SLC25A21: variants seen among roughly 807,000 people sequenced by gnomAD.
The protein encoded by SLC25A21 is mitochondrial 2-oxodicarboxylate carrier.
In SLC25A21, 47 loss-of-function variants were observed where a neutral mutation model predicts 43.8. The observed-to-expected ratio is 1.07, with a 90% confidence interval of 0.85 to 1.37. SLC25A21 has a LOEUF of 1.37. Ranked by LOEUF, SLC25A21 falls within the 40% of genes most tolerant of loss-of-function variation. SLC25A21 has a pLI of 0.00. For synonymous variants in SLC25A21, 131 were observed against 121.3 expected (o/e 1.08, Z -0.52); for missense variants, 352 against 350.2 (o/e 1.00, Z -0.04).
chr14:37,116,375 C>T (rs1041015869), intron 1 of SLC25A21, among the ~76,000 whole-genome samples: 6 of 152,160 alleles, frequency 3.9e-5, no homozygotes, highest in Non-Finnish European at 8.8e-5. Flanking sequence ...CATCTTACAA[C>T]ACTTAAGATA....
intron 2 of SLC25A21, among the ~76,000 whole-genome samples, chr14:36,845,659 T>C (rs1889519314): frequency 6.6e-6 from 1 of 152,250 alleles, no homozygotes; most frequent in Non-Finnish European, 1.5e-5. Flanking sequence ...ATCCAATTGA[T>C]GGACAAACTA....
chr14:37,130,804 G>A (rs769109859), intron 1 of SLC25A21, among the ~76,000 whole-genome samples: 27 of 152,296 alleles, frequency 1.8e-4, no homozygotes, highest in Non-Finnish European at 3.1e-4. Flanking sequence ...TTGATTAGAT[G>A]AGGCAAAAAT....
At chr14:36,893,641 T>A (rs1026097799) in intron 1 of SLC25A21, among the ~76,000 whole-genome samples, 2 of 152,256 alleles carry the variant, frequency 1.3e-5, no homozygotes, top group Non-Finnish European at 2.9e-5. Context: ...TGAATGGTAA[T>A]GCCTAGATTT....
chr14:36,936,120 G>A (rs578045268), intron 1 of SLC25A21, among the ~76,000 whole-genome samples: 117 of 152,194 alleles, frequency 7.7e-4, no homozygotes, highest in Non-Finnish European at 1.2e-3. Context: ...CACCGTGAAG[G>A]GAAATCAACC....
At chr14:36,748,286 T>C (rs1203868072) in intron 3 of SLC25A21, among the ~76,000 whole-genome samples, 1 of 152,212 alleles carries the variant, frequency 6.6e-6, no homozygotes, top group East Asian at 1.9e-4. Flanking sequence ...TCGGGCTCTG[T>C]TTGGTTTCTG....
chr14:37,168,076 C>G (rs191428932), intron 1 of SLC25A21, among the ~76,000 whole-genome samples: 1 of 152,056 alleles, frequency 6.6e-6, no homozygotes, highest in African/African-American at 2.4e-5. Context: ...GTAGGTGAGG[C>G]CTGGGATCCC....
At chr14:36,776,735 C>G (rs1886849221) in intron 3 of SLC25A21, among the ~76,000 whole-genome samples, 1 of 152,120 alleles carries the variant, frequency 6.6e-6, no homozygotes, top group African/African-American at 2.4e-5. Flanking sequence ...CTTAAGTTCC[C>G]TCTTTACTCT....
chr14:36,874,806 T>C, intron 2 of SLC25A21, 150 bp downstream of exon 2: 1 of 520,396 alleles, frequency 1.9e-6, no homozygotes. Context: ...ACATTTTATC[T>C]GTCAAATAGT....
chr14:37,060,402 AATAATAATAATAATAATAATAATG>A (rs1247351147), intron 1 of SLC25A21, among the ~76,000 whole-genome samples: 1 of 147,088 alleles, frequency 6.8e-6, no homozygotes, highest in Non-Finnish European at 1.5e-5. Context: ...TAATAATAAT[AATAATAATAATAATAATAATAATG>A]ATGTAACCCA....
chr14:36,989,178 C>A (rs964466510), intron 1 of SLC25A21, among the ~76,000 whole-genome samples: 2 of 152,138 alleles, frequency 1.3e-5, no homozygotes, highest in African/African-American at 4.8e-5. Flanking sequence ...AGGAAGTGAG[C>A]ACTCCTGGCT....
chr14:37,059,231 C>T (rs1276000092), intron 1 of SLC25A21, among the ~76,000 whole-genome samples: 1 of 152,152 alleles, frequency 6.6e-6, no homozygotes, highest in Non-Finnish European at 1.5e-5. Flanking sequence ...ACTTTTATCC[C>T]TTACACCCAT....
intron 1 of SLC25A21, among the ~76,000 whole-genome samples, chr14:36,967,524 C>A (rs1959644839): frequency 6.6e-6 from 1 of 152,148 alleles, no homozygotes; most frequent in Non-Finnish European, 1.5e-5. Context: ...AAACTTTTCC[C>A]CACACCCAAA....
chr14:36,758,876 T>TCA (rs1886035555), intron 3 of SLC25A21, among the ~76,000 whole-genome samples: 1 of 152,162 alleles, frequency 6.6e-6, no homozygotes, highest in Non-Finnish European at 1.5e-5. Context: ...CAATCAAGTG[T>TCA]GAGTTACATT....
chr14:36,678,987 A>G lies in SLC25A21; in HGVS notation c.*1671T>C. 3 of 977,748 alleles carry G rather than the reference A, an allele frequency of 3.1e-6. No individual in the cohort carries two copies. Among genetic ancestry groups the G allele is most frequent in the Non-Finnish European group, 3.6e-6 (3 of 827,360 alleles). 60.6% of individuals were successfully genotyped at this position (977,748 alleles called of 1,614,324 possible). On this transcript the variant is annotated 3_prime_UTR_variant, in exon 10 of 10. Transcript: ENST00000331299. Reference sequence around the variant, plus strand: ...TGGTTAATGTTGACATATTTCCTCTATCTCATAGATGGTAAAAGTGTTGCT... The same window carrying G: ...TGGTTAATGTTGACATATTTCCTCTGTCTCATAGATGGTAAAAGTGTTGCT...
At chr14:37,088,537 T>C (rs1361613627) in intron 1 of SLC25A21, among the ~76,000 whole-genome samples, 5 of 152,216 alleles carry the variant, frequency 3.3e-5, no homozygotes, top group African/African-American at 7.2e-5. Flanking sequence ...TAAAAATCGA[T>C]TGTTCAAAAA....
At chr14:37,017,799 G>A (rs1960895318) in intron 1 of SLC25A21, among the ~76,000 whole-genome samples, 1 of 151,740 alleles carries the variant, frequency 6.6e-6, no homozygotes, top group Non-Finnish European at 1.5e-5. Flanking sequence ...GATTTTCAAC[G>A]ACATGCATCA....
intron 1 of SLC25A21, among the ~76,000 whole-genome samples, chr14:37,037,531 TTC>T (rs1961353980): frequency 6.6e-6 from 1 of 152,050 alleles, no homozygotes; most frequent in Non-Finnish European, 1.5e-5. Context: ...TCCTCCTGTT[TTC>T]TCTCTCTCTT....
Position 36,680,682 on chromosome 14 carries a change from A to C in SLC25A21, c.876T>G (p.Tyr292Ter). 2 of 1,613,362 alleles carry C rather than the reference A, an allele frequency of 1.2e-6. No individual in the cohort carries two copies. Among genetic ancestry groups the C allele is most frequent in the Non-Finnish European group, 1.7e-6 (2 of 1,179,634 alleles). ...ATCACCAGTTCTCTTGAAGCCATGA[A>C]TAGGTGTATTCATAAACCAGCAGCA... ...AVMLLVYEYT[Y>*]SWLQENW The change falls in exon 10 of 10, where the codon TAT becomes TAG. Residue 292 changes from tyrosine to a stop codon, truncating the protein, a stop_gained. Transcript: ENST00000331299. LOFTEE classifies it high-confidence loss of function.
chr14:37,041,240 C>G (rs1340862830), intron 1 of SLC25A21, among the ~76,000 whole-genome samples: 1 of 152,092 alleles, frequency 6.6e-6, no homozygotes, highest in Non-Finnish European at 1.5e-5. Context: ...TTTCAGTAAC[C>G]AAGTGCCTCT....
Sources: gnomAD v4.1 joint callset for allele counts (sites outside exome capture counted in the v4.1 genomes callset) on GRCh38, gnomAD v4.1.1 for gene constraint, MANE v1.5 for transcripts, NCBI Gene and HGNC (gene_info 2026-07-23, HGNC 2026-07-21) for gene names.